Variants in RBFOX1 observed in about 807,000 individuals in gnomAD.
RBFOX1 encodes the protein RNA binding fox-1 homolog 1.
RBFOX1 carries 8 observed loss-of-function variants against 57.7 expected under a neutral mutation model. That is an observed-to-expected ratio of 0.14 (90% CI 0.08 to 0.25). The LOEUF (loss-of-function observed/expected upper bound fraction) is 0.25. Among genes scored for constraint, RBFOX1 ranks in the 10% least tolerant of loss-of-function variants. The pLI is 1.00. For synonymous variants in RBFOX1, 326 were observed against 222.4 expected (o/e 1.47, Z -4.15); for missense variants, 611 against 548.5 (o/e 1.11, Z -1.14).
chr16:6,961,332 G>A (rs990825086), intron 3 of RBFOX1, among the ~76,000 whole-genome samples: 3 of 152,146 alleles, frequency 2.0e-5, no homozygotes, highest in African/African-American at 7.2e-5. Flanking sequence ...TGGAGCCCCT[G>A]GGTCCCTGCG....
At chr16:6,196,989 A>T (rs181063018) in intron 1 of RBFOX1, among the ~76,000 whole-genome samples, 16 of 152,304 alleles carry the variant, frequency 1.1e-4, no homozygotes, top group Admixed American at 9.8e-4. Flanking sequence ...AAATGTGTGT[A>T]TTAGAGTGGA....
intron 1 of RBFOX1, among the ~76,000 whole-genome samples, chr16:6,281,814 T>C (rs1049671910): frequency 1.3e-5 from 2 of 152,016 alleles, no homozygotes; most frequent in Admixed American, 6.6e-5. Flanking sequence ...AAGTGAAGAT[T>C]AGGAGGATGA....
chr16:5,578,844 CTTTTTTTTTT>C (rs57387602), intron 2 of RBFOX1, among the ~76,000 whole-genome samples: 1 of 109,022 alleles, frequency 9.2e-6, no homozygotes, highest in Non-Finnish European at 1.9e-5. Context: ...CACACACACC[CTTTTTTTTTT>C]TTTTTTTTTT....
At chr16:6,165,679 C>A (rs568132052) in intron 1 of RBFOX1, among the ~76,000 whole-genome samples, 2 of 152,186 alleles carry the variant, frequency 1.3e-5, no homozygotes, top group East Asian at 1.9e-4. Flanking sequence ...TGCAGGTGAA[C>A]GTCTAAACGC....
intron 3 of RBFOX1, among the ~76,000 whole-genome samples, chr16:6,977,300 A>G (rs1474919801): frequency 6.6e-6 from 1 of 151,634 alleles, no homozygotes; most frequent in Non-Finnish European, 1.5e-5. Context: ...TAATTTTCTT[A>G]ATTATTGTGT....
At chr16:5,489,207 A>G (rs767886059) in intron 2 of RBFOX1, among the ~76,000 whole-genome samples, 1 of 152,218 alleles carries the variant, frequency 6.6e-6, no homozygotes, top group Non-Finnish European at 1.5e-5. Context: ...GCTTTTTACA[A>G]GTTTCTTTCC....
chr16:5,545,262 G>A (rs2045144673), intron 2 of RBFOX1, among the ~76,000 whole-genome samples: 1 of 151,156 alleles, frequency 6.6e-6, no homozygotes, highest in Non-Finnish European at 1.5e-5. Flanking sequence ...ACAGCTGTGA[G>A]CACGCCCTGC....
intron 2 of RBFOX1, among the ~76,000 whole-genome samples, chr16:5,557,361 A>G (rs546166296): frequency 3.6e-4 from 55 of 152,196 alleles, no homozygotes; most frequent in African/African-American, 1.3e-3. Flanking sequence ...TGCAAGGCAG[A>G]CATTTGAGAG....
At chr16:5,366,232 G>C in intron 1 of RBFOX1, 1 of 414,252 alleles carries the variant, frequency 2.4e-6, no homozygotes, top group Non-Finnish European at 4.6e-6. Flanking sequence ...CCTGGAGGTG[G>C]TAGCATGGTT....
intron 3 of RBFOX1, among the ~76,000 whole-genome samples, chr16:6,673,417 A>G (rs530954646): frequency 6.6e-6 from 1 of 152,188 alleles, no homozygotes; most frequent in South Asian, 2.1e-4. Flanking sequence ...GCAAAACCGC[A>G]TCTCTACTAA....
At chr16:6,488,302 G>A (rs564827825) in intron 2 of RBFOX1, among the ~76,000 whole-genome samples, 1 of 152,272 alleles carries the variant, frequency 6.6e-6, no homozygotes, top group East Asian at 1.9e-4. Flanking sequence ...GTACTAGTTG[G>A]ATTTATTGTG....
intron 2 of RBFOX1, among the ~76,000 whole-genome samples, chr16:6,537,205 T>C (rs2096747355): frequency 6.6e-6 from 1 of 152,160 alleles, no homozygotes; most frequent in Admixed American, 6.5e-5. Flanking sequence ...GAGCCTGAGA[T>C]TCGGCACTTC....
At chr16:5,919,169 A>G (rs1343716232) in intron 4 of RBFOX1, among the ~76,000 whole-genome samples, 2 of 152,082 alleles carry the variant, frequency 1.3e-5, no homozygotes, top group Non-Finnish European at 2.9e-5. Context: ...AAAATGTACA[A>G]ATTGCTGACA....
At chr16:5,483,700 G>A (rs979318674) in intron 2 of RBFOX1, among the ~76,000 whole-genome samples, 2 of 152,118 alleles carry the variant, frequency 1.3e-5, no homozygotes, top group Non-Finnish European at 2.9e-5. Flanking sequence ...AGCACTGTTG[G>A]GTGAATACAG....
chr16:6,812,413 A>T (rs999426463), intron 3 of RBFOX1, among the ~76,000 whole-genome samples: 3 of 152,018 alleles, frequency 2.0e-5, no homozygotes, highest in Non-Finnish European at 4.4e-5. Context: ...GGGTCTTGTC[A>T]CCCAGGCTGG....
At chr16:6,246,205 AAGGCTG>A (rs1343735046) in intron 1 of RBFOX1, among the ~76,000 whole-genome samples, 6 of 152,182 alleles carry the variant, frequency 3.9e-5, no homozygotes, top group African/African-American at 1.4e-4. Flanking sequence ...AAGGGTGTCT[AAGGCTG>A]TACCTCAAGC....
chr16:6,439,486 A>G (rs1164803602), intron 2 of RBFOX1, among the ~76,000 whole-genome samples: 1 of 152,144 alleles, frequency 6.6e-6, no homozygotes, highest in Admixed American at 6.6e-5. Context: ...AATGTGGAAC[A>G]TCCCCTGCTT....
intron 2 of RBFOX1, among the ~76,000 whole-genome samples, chr16:5,596,281 C>A (rs1034032926): frequency 2.0e-5 from 3 of 152,262 alleles, no homozygotes; most frequent in African/African-American, 7.2e-5. Context: ...TTGCCTAGAT[C>A]CTCTATTCTC....
At chr16:5,991,724 C>T (rs1271725369) in intron 4 of RBFOX1, among the ~76,000 whole-genome samples, 2 of 150,120 alleles carry the variant, frequency 1.3e-5, no homozygotes, top group Admixed American at 6.7e-5. Context: ...GTTGAGCCTG[C>T]CTTAGGAGCT....
Sources: gnomAD v4.1 joint callset for allele counts (sites outside exome capture counted in the v4.1 genomes callset) on GRCh38, gnomAD v4.1.1 for gene constraint, MANE v1.5 for transcripts, NCBI Gene and HGNC (gene_info 2026-07-23, HGNC 2026-07-21) for gene names.